The following ABCA3 variants were observed in gnomAD, a reference collection of about 807,000 sequenced individuals.
ABCA3 encodes the protein phospholipid-transporting ATPase ABCA3.
Under a neutral mutation model 172.8 loss-of-function variants are expected in ABCA3, and 88 were observed. The observed-to-expected ratio is 0.51, with a 90% CI of 0.43 to 0.61. ABCA3 has a LOEUF of 0.61. Among genes scored for constraint, ABCA3 ranks in the 20% least tolerant of loss-of-function variants. The pLI is 0.00. For synonymous variants in ABCA3, 1,066 were observed against 983.8 expected (o/e 1.08, Z -1.56); for missense variants, 2,164 against 2,301.0 (o/e 0.94, Z 1.22).
intron 28 of ABCA3, among the ~76,000 whole-genome samples, chr16:2,280,709 C>T (rs2093653662): frequency 6.6e-6 from 1 of 152,236 alleles, no homozygotes; most frequent in South Asian, 2.1e-4. Flanking sequence ...CTTCACTCAG[C>T]AAGGCCTCTA....
At chr16:2,332,286 A>C in intron 1 of ABCA3, 1 of 599,974 alleles carries the variant, frequency 1.7e-6, no homozygotes, top group East Asian at 2.9e-5. Context: ...TTTATTATAC[A>C]GGTGAATTTT....
At chr16:2,328,047 A>C (rs965998937) in intron 3 of ABCA3, among the ~76,000 whole-genome samples, 19 of 152,180 alleles carry the variant, frequency 1.2e-4, no homozygotes, top group African/African-American at 4.1e-4. Context: ...CCATCTGTCC[A>C]ACGAAAATTC....
Position 2,286,715 on chromosome 16 carries a change from G to T in ABCA3, c.3257C>A (p.Ala1086Asp). 1.9e-6 allele frequency: 3 copies of T among 1,613,632 alleles called. No individual in the cohort carries two copies. Among genetic ancestry groups the T allele is most frequent in the Non-Finnish European group, 2.5e-6 (3 of 1,179,898 alleles). Reference protein sequence around the residue: ...NFPQPRSALQAAKDQFNEGRK... With the variant: ...NFPQPRSALQDAKDQFNEGRK... Reference sequence around the variant, plus strand: ...ATACTCGTTAAACTGGTCCTTGGCAGCCTGCAGGGCGCTCCGGGGCTGGGG... The same window carrying T: ...ATACTCGTTAAACTGGTCCTTGGCATCCTGCAGGGCGCTCCGGGGCTGGGG... Residue 1086 changes from alanine to aspartate, a missense_variant, in exon 22 of 33, where the codon GCT (alanine) becomes GAT (aspartate). Ala to Asp is a moderately radical substitution (Grantham distance 126). This residue lies in a region of ABCA3 where 795 missense variants were observed against 881.9 expected (regional missense o/e 0.90). Coordinates refer to ENST00000301732, the MANE Select transcript of ABCA3 (RefSeq NM_001089.3). The surrounding 1 kb of genome is among the most constrained non-coding windows in gnomAD (Gnocchi z 5.2).
chr16:2,278,187 G>A lies in ABCA3; in HGVS notation c.4718+101C>T, dbSNP rs915261215. 2.4e-5 allele frequency: 39 copies of A among 1,594,092 alleles called. No homozygotes were observed. The highest frequency in any genetic ancestry group is 3.3e-5 in the Non-Finnish European group (39 of 1,172,854). On this transcript the variant is annotated intron_variant, in intron 30 of 32. Transcript: ENST00000301732. This position sits in a 1 kb window ranked among gnomAD's most constrained non-coding sequence, Gnocchi z 4.4. Reference sequence around the variant, plus strand: ...TACCCATGCTCAGTGTGGCTCACGGGCAGACTCTGCACCAGATGCTGATGG... The same window carrying A: ...TACCCATGCTCAGTGTGGCTCACGGACAGACTCTGCACCAGATGCTGATGG...
At position 2,284,028 on chromosome 16, in the gene ABCA3, C is replaced by A; in HGVS notation, c.3862+251G>T. The A allele has an allele frequency of 2.1e-6, 1 of 483,264 alleles. No individual in the cohort carries two copies. Among genetic ancestry groups the A allele is most frequent in the Non-Finnish European group, 3.8e-6 (1 of 264,556 alleles). The allele number at this position is 483,264 out of a possible 1,614,324, so 29.9% of individuals were successfully genotyped here. ...GGGGATTCACTCCTCGTGCTAAGCG[C>A]TGGTCTGTGGTTCCTTGTTACAGAT... On this transcript the variant is annotated intron_variant, in intron 25 of 32. Transcript: ENST00000301732. This position sits in a 1 kb window ranked among gnomAD's most constrained non-coding sequence, Gnocchi z 5.9.
chr16:2,334,830 CTT>C (rs35251447), intron 1 of ABCA3, among the ~76,000 whole-genome samples: 30 of 131,452 alleles, frequency 2.3e-4, no homozygotes, highest in Admixed American at 3.8e-4. Flanking sequence ...AATATTAGTT[CTT>C]TTTTTTTTTT....
At chr16:2,337,450 C>A (rs1364173609) in intron 1 of ABCA3, among the ~76,000 whole-genome samples, 1 of 150,236 alleles carries the variant, frequency 6.7e-6, no homozygotes, top group Non-Finnish European at 1.5e-5. Flanking sequence ...TCATGGCTCA[C>A]TGTAGCCTTG....
At chr16:2,335,663 C>A (rs1205631879) in intron 1 of ABCA3, among the ~76,000 whole-genome samples, 1 of 152,168 alleles carries the variant, frequency 6.6e-6, no homozygotes, top group African/African-American at 2.4e-5. Context: ...AGGAGGCACC[C>A]TGTGATGTGG....
At position 2,295,636 on chromosome 16, in the gene ABCA3, C is replaced by A. The variant is rs750588198; in HGVS notation, c.2368G>T (p.Ala790Ser). ...AGGATGAAAGACAGCTCGGCCCCAGCGCTGCTCTCCAGCGTGGCGTTGGGC... is the reference window on the plus strand; with the variant it reads ...AGGATGAAAGACAGCTCGGCCCCAGAGCTGCTCTCCAGCGTGGCGTTGGGC... ...HVPNATLESS[A>S]GAELSFILPR... Residue 790 changes from alanine to serine, a missense_variant, in exon 18 of 33, where the codon GCT becomes TCT. This residue lies in a region of ABCA3 where 1,343 missense variants were observed against 1,369.6 expected (regional missense o/e 0.98). Coordinates refer to ENST00000301732, the MANE Select transcript of ABCA3 (RefSeq NM_001089.3). 6.2e-7 allele frequency: 1 copy of A among 1,613,878 alleles called. No homozygotes were observed. The highest frequency in any genetic ancestry group is 8.5e-7 in the Non-Finnish European group (1 of 1,180,056).
intron 1 of ABCA3, among the ~76,000 whole-genome samples, chr16:2,333,613 T>C (rs1363353493): frequency 6.6e-6 from 1 of 152,202 alleles, no homozygotes; most frequent in Non-Finnish European, 1.5e-5. Context: ...ATTTGTTCAT[T>C]CAACAATTGC....
Position 2,288,182 on chromosome 16 carries a change from G to C in ABCA3, c.2848C>G (p.Leu950Val). The change falls in exon 21 of 33, where the codon CTC (leucine) becomes GTC (valine). Residue 950 changes from leucine (L) to valine (V), a missense_variant. Physicochemically the swap from Leu to Val is conservative, Grantham distance 32 (BLOSUM62 1). This residue lies in a region of ABCA3 where 1,343 missense variants were observed against 1,369.6 expected (regional missense o/e 0.98). Transcript: ENST00000301732. ...ALLAINYSSE[L>V]FDDPMLRLTL... ...AGCCTCAGCATGGGGTCGTCGAAGAGCTCCGAGGAGTAGTTGATGGCCAGG... is the reference window on the plus strand; with the variant it reads ...AGCCTCAGCATGGGGTCGTCGAAGACCTCCGAGGAGTAGTTGATGGCCAGG... 1 of 1,605,684 alleles carries C rather than the reference G, an allele frequency of 6.2e-7. No individual in the cohort carries two copies. The highest frequency in any genetic ancestry group is 8.5e-7 in the Non-Finnish European group (1 of 1,175,996).
intron 18 of ABCA3, among the ~76,000 whole-genome samples, chr16:2,293,365 GC>G (rs2093674996): frequency 7.9e-6 from 1 of 126,576 alleles, no homozygotes; most frequent in Admixed American, 8.7e-5. Context: ...TGGCCAAAAT[GC>G]CTTTTTTTTT....
chr16:2,326,257 C>T lies in ABCA3; in HGVS notation c.72G>A (p.Val24=). 1 of 1,613,522 alleles carries T rather than the reference C, an allele frequency of 6.2e-7. No individual in the cohort carries two copies. Among genetic ancestry groups the T allele is most frequent in the Non-Finnish European group, 8.5e-7 (1 of 1,180,038 alleles). ...NYTLQKRKVL[V]TVLELFLPLL... ...ATGGCAGGAAGAGTTCCAGGACCGT[C>T]ACCAGGACCTTCCGCTTCTGGAAGA... Residue 24 remains valine, a synonymous_variant, in exon 5 of 33, where the codon GTG becomes GTA. Coordinates refer to ENST00000301732, the MANE Select transcript of ABCA3 (RefSeq NM_001089.3).
intron 12 of ABCA3, among the ~76,000 whole-genome samples, chr16:2,300,846 C>A (rs1001570484): frequency 6.6e-6 from 1 of 152,236 alleles, no homozygotes; most frequent in Non-Finnish European, 1.5e-5. Flanking sequence ...ACGCCCAGTG[C>A]ACTTCCAGCA....
intron 18 of ABCA3, among the ~76,000 whole-genome samples, chr16:2,292,689 G>T (rs1438119338): frequency 1.3e-5 from 2 of 152,156 alleles, no homozygotes; most frequent in Non-Finnish European, 1.5e-5. Context: ...GGAGGCCGAG[G>T]TGGGCGAATT....
chr16:2,297,343 A>G lies in ABCA3; in HGVS notation c.2249T>C (p.Leu750Pro). 1 of 1,611,612 alleles carries G rather than the reference A, an allele frequency of 6.2e-7. No homozygotes were observed. The highest frequency in any genetic ancestry group is 8.5e-7 in the Non-Finnish European group (1 of 1,179,962). ...ELQCCGSSLF[L>P]KQKYGAGYHM... is the part of the protein sequence containing the mutation. ...CCACCGCTCACCGTATTTCTGCTTG[A>G]GGAACAGCGAGGACCCGCAGCACTG... The change falls in exon 17 of 33, where the codon CTC (leucine) becomes CCC (proline). Residue 750 changes from leucine to proline, a missense_variant. Coordinates refer to ENST00000301732, the MANE Select transcript of ABCA3 (RefSeq NM_001089.3). This position sits in a 1 kb window ranked among gnomAD's most constrained non-coding sequence, Gnocchi z 5.6.
At position 2,276,444 on chromosome 16, in the gene ABCA3, T is replaced by C. The variant is rs766310927; in HGVS notation, c.*230A>G. On this transcript the variant is annotated 3_prime_UTR_variant, in exon 33 of 33. Transcript: ENST00000301732. Reference sequence around the variant, plus strand: ...CAGACTGCCCGGCCTGCCCCAGCTCTGGGAAAGTGAACTCCAGAGTATGCA... The same window carrying C: ...CAGACTGCCCGGCCTGCCCCAGCTCCGGGAAAGTGAACTCCAGAGTATGCA... The C allele has an allele frequency of 1.5e-5, 12 of 794,704 alleles. No individual in the cohort carries two copies. The highest frequency in any genetic ancestry group is 2.2e-5 in the Non-Finnish European group (11 of 492,504). 49.2% of individuals were successfully genotyped at this position (794,704 alleles called of 1,614,324 possible). A position where few individuals can be genotyped will look rare whatever the true frequency, so the allele number is the denominator to read the frequency against.
chr16:2,283,120 G>T lies in ABCA3; in HGVS notation c.4035+66C>A. ...GAAGGAGGTGGAGCTGCCCCAGGTT[G>T]TGCTGGGCCCAAGCAGAGACGTGGG... On this transcript the variant is annotated intron_variant, in intron 26 of 32. Transcript: ENST00000301732. The surrounding 1 kb of genome is among the most constrained non-coding windows in gnomAD (Gnocchi z 5.4). 3.3e-6 allele frequency: 5 copies of T among 1,529,966 alleles called. No individual in the cohort carries two copies. The highest frequency in any genetic ancestry group is 4.1e-4 in the Middle Eastern group (2 of 4,900). 94.8% of individuals were successfully genotyped at this position (1,529,966 alleles called of 1,614,324 possible). A position where few individuals can be genotyped will look rare whatever the true frequency, so the allele number is the denominator to read the frequency against.
chr16:2,331,901 A>G (rs2093743814), intron 1 of ABCA3, among the ~76,000 whole-genome samples: 1 of 152,186 alleles, frequency 6.6e-6, no homozygotes, highest in African/African-American at 2.4e-5. Context: ...TCTCTTCACT[A>G]GTCCCGGGAC....
Sources: allele counts gnomAD v4.1 joint callset (sites outside exome capture counted in the v4.1 genomes callset), GRCh38; gene constraint gnomAD v4.1.1; regional missense constraint gnomAD v4.1.1; non-coding constraint Gnocchi (gnomAD v3.1); transcripts MANE v1.5; gene names NCBI Gene and HGNC (gene_info 2026-07-23, HGNC 2026-07-21).